GNAI3: variants seen among roughly 807,000 people sequenced by gnomAD.
GNAI3 encodes guanine nucleotide-binding protein G(i) subunit alpha-3.
In GNAI3, 12 loss-of-function variants were observed where a neutral mutation model predicts 41.8. The observed-to-expected ratio is 0.29, with a 90% confidence interval of 0.18 to 0.47. The LOEUF is 0.47. Ranked by LOEUF, GNAI3 falls within the 20% of genes least tolerant of loss-of-function variation. The pLI is 1.00. For synonymous variants in GNAI3, 132 were observed against 146.5 expected (o/e 0.90, Z 0.71); for missense variants, 360 against 429.6 (o/e 0.84, Z 1.43).
intron 1 of GNAI3, among the ~76,000 whole-genome samples, chr1:109,550,418 G>T (rs964405762): frequency 6.6e-6 from 1 of 152,186 alleles, no homozygotes; most frequent in African/African-American, 2.4e-5. Context: ...ATGGTCCCTG[G>T]TACCTAGTAG....
chr1:109,562,447 TA>T (rs917756756), intron 1 of GNAI3, among the ~76,000 whole-genome samples: 1 of 152,180 alleles, frequency 6.6e-6, no homozygotes, highest in African/African-American at 2.4e-5. Flanking sequence ...GTATAAAATT[TA>T]GGGGAACTCA....
In GNAI3 at chr1:109,594,485, T is replaced by C. The variant is rs1159271611; in HGVS notation, c.*2163T>C. 3 of 152,198 alleles carry C rather than the reference T, an allele frequency of 2.0e-5. No individual in the cohort carries two copies. The highest frequency in any genetic ancestry group is 7.2e-5 in the African/African-American group (3 of 41,446). The allele number at this position is 152,198 out of a possible 1,614,324, so 9.4% of individuals were successfully genotyped here. ...TACATTTGCTCTCTGTTTGTTAACA[T>C]GAAGATCACTCTTATTTCACCATCC... On this transcript the variant is annotated 3_prime_UTR_variant, in exon 9 of 9. Coordinates refer to ENST00000369851, the MANE Select transcript of GNAI3 (RefSeq NM_006496.4).
chr1:109,550,059 C>T (rs1476853770), intron 1 of GNAI3, among the ~76,000 whole-genome samples: 2 of 151,976 alleles, frequency 1.3e-5, no homozygotes, highest in African/African-American at 4.8e-5. Flanking sequence ...TACAGAAACC[C>T]TTACAAGCAA....
At position 109,581,110 on chromosome 1, in the gene GNAI3, T is replaced by C. The variant is rs144579873; in HGVS notation, c.462-1327T>C. ...TAAGCTTGCCTCTTTACATTAGTGA[T>C]AGTATTTGGTTTTATAGATCATTAA... is the stretch of plus-strand genomic sequence containing the variant. On this transcript the variant is annotated intron_variant, in intron 4 of 8. Transcript: ENST00000369851. 7.5e-3 allele frequency among the ~76,000 whole-genome samples: 1,139 copies of C among 152,314 alleles called. 14 individuals carry two copies. Among genetic ancestry groups the C allele is most frequent in the African/African-American group, 0.025 (1,050 of 41,566 alleles).
intron 1 of GNAI3, among the ~76,000 whole-genome samples, chr1:109,564,517 A>G (rs911296282): frequency 6.6e-6 from 1 of 151,930 alleles, no homozygotes. Context: ...CTTCCTCTGA[A>G]TCTTTTCCTT....
intron 3 of GNAI3, among the ~76,000 whole-genome samples, chr1:109,574,530 A>T (rs1307802778): frequency 6.6e-6 from 1 of 152,192 alleles, no homozygotes; most frequent in East Asian, 1.9e-4. Context: ...ACCTAAGGCT[A>T]TAGAATTGGA....
intron 5 of GNAI3, among the ~76,000 whole-genome samples, chr1:109,583,219 A>T (rs1648940834): frequency 6.6e-6 from 1 of 151,994 alleles, no homozygotes. Context: ...TTAAATTTTT[A>T]TTTTTTTAGA....
chr1:109,573,554 T>A (rs1648661218), intron 1 of GNAI3, among the ~76,000 whole-genome samples, 183 bp from the exon 2 acceptor site: 1 of 152,190 alleles, frequency 6.6e-6, no homozygotes, highest in Non-Finnish European at 1.5e-5. Context: ...TGCTGAGTTA[T>A]GTAAAGAAAG....
chr1:109,555,967 T>TGCGTGCGTGCGTGCGTGCGTGC (rs1553222507), intron 1 of GNAI3, among the ~76,000 whole-genome samples: 5 of 86,660 alleles, frequency 5.8e-5, no homozygotes, highest in Non-Finnish European at 1.1e-4. Flanking sequence ...TGCGTGCGTG[T>TGCGTGCGTGCGTGCGTGCGTGC]GTGTGTGTGT....
chr1:109,566,727 A>G (rs1648464912), intron 1 of GNAI3, among the ~76,000 whole-genome samples: 1 of 151,996 alleles, frequency 6.6e-6, no homozygotes, highest in Non-Finnish European at 1.5e-5. Context: ...ATACCTGGCT[A>G]ATTTTTTGTA....
intron 5 of GNAI3, among the ~76,000 whole-genome samples, chr1:109,583,514 C>A (rs1359558580): frequency 1.3e-5 from 2 of 150,438 alleles, no homozygotes; most frequent in African/African-American, 2.4e-5. Context: ...CGTGCCCAGC[C>A]CAACTGTGAT....
chr1:109,554,816 T>C (rs756240628), intron 1 of GNAI3, among the ~76,000 whole-genome samples: 3 of 152,228 alleles, frequency 2.0e-5, no homozygotes, highest in Non-Finnish European at 4.4e-5. Context: ...TCCAATGTTA[T>C]CTTCTAGAAT....
At chr1:109,576,038 A>C (rs2101102471) in intron 3 of GNAI3, among the ~76,000 whole-genome samples, 1 of 152,210 alleles carries the variant, frequency 6.6e-6, no homozygotes, top group East Asian at 1.9e-4. Flanking sequence ...TTTTATGTTT[A>C]TAGCTCCTCT....
intron 1 of GNAI3, among the ~76,000 whole-genome samples, chr1:109,568,602 T>C (rs1648517400): frequency 6.6e-6 from 1 of 152,160 alleles, no homozygotes. Context: ...TGATTCTACA[T>C]TAGAGTACAT....
intron 5 of GNAI3, 140 bp downstream of exon 5, chr1:109,582,705 A>ATT: frequency 1.9e-6 from 1 of 533,332 alleles, no homozygotes; most frequent in Non-Finnish European, 3.5e-6. Flanking sequence ...TTGTTTGAAT[A>ATT]TTTTAACTGA....
intron 6 of GNAI3, 70 bp from the exon 7 acceptor site, chr1:109,586,659 T>C: frequency 3.5e-6 from 4 of 1,147,190 alleles, no homozygotes; most frequent in Non-Finnish European, 5.0e-6. Flanking sequence ...CTTGTTGGTT[T>C]GTCTTTTTCA....
intron 1 of GNAI3, among the ~76,000 whole-genome samples, chr1:109,573,066 A>AGAG (rs1225378727): frequency 6.6e-6 from 1 of 152,048 alleles, no homozygotes. Context: ...AATTTGAGAG[A>AGAG]GAGGAGGTGG....
At chr1:109,569,853 G>T (rs1648548206) in intron 1 of GNAI3, among the ~76,000 whole-genome samples, 1 of 151,878 alleles carries the variant, frequency 6.6e-6, no homozygotes, top group Admixed American at 6.6e-5. Context: ...TAGGATTAAT[G>T]AGATAGGTAG....
intron 3 of GNAI3, among the ~76,000 whole-genome samples, chr1:109,578,292 G>A (rs1258642103): frequency 6.6e-6 from 1 of 151,776 alleles, no homozygotes; most frequent in Non-Finnish European, 1.5e-5. Context: ...CCAACATGGC[G>A]AAACCCCTCT....
Sources: gnomAD v4.1 joint callset for allele counts (sites outside exome capture counted in the v4.1 genomes callset) on GRCh38, gnomAD v4.1.1 for gene constraint, MANE v1.5 for transcripts, NCBI Gene and HGNC (gene_info 2026-07-23, HGNC 2026-07-21) for gene names.